The following RPTOR variants were observed in gnomAD, a reference collection of about 807,000 sequenced individuals.
RPTOR encodes regulatory-associated protein of mTOR.
Under a neutral mutation model 169.9 loss-of-function variants are expected in RPTOR, and 21 were observed. That is an observed-to-expected ratio of 0.12 (90% confidence interval 0.09 to 0.18). RPTOR has a LOEUF of 0.18. RPTOR is among the 10% of genes least tolerant of loss of function. RPTOR has a pLI of 1.00. For missense variants in RPTOR, 1,133 were observed against 1,855.9 expected (o/e 0.61, Z 7.16); for synonymous variants, 732 against 753.2 (o/e 0.97, Z 0.46).
rs866103730 is a variant in RPTOR at position 80,860,600 on chromosome 17, G to A, written c.1509+2700G>A. ...AGGGGGCAGTGGGGAGGCTGCTGCCGAAGCGGACGGTGAGGGCTTCCACCT... is the reference window on the plus strand; with the variant it reads ...AGGGGGCAGTGGGGAGGCTGCTGCCAAAGCGGACGGTGAGGGCTTCCACCT... On this transcript the variant is annotated intron_variant, in intron 13 of 33. Transcript: ENST00000306801. This position sits in a 1 kb window ranked among gnomAD's most constrained non-coding sequence, Gnocchi z 5.8. 5.9e-5 allele frequency among the ~76,000 whole-genome samples: 9 copies of A among 152,084 alleles called. No individual in the cohort carries two copies. The highest frequency in any genetic ancestry group is 2.0e-4 in the Admixed American group (3 of 15,288).
chr17:80,662,542 T>TGGG (rs35400483), intron 3 of RPTOR, among the ~76,000 whole-genome samples: 1 of 151,630 alleles, frequency 6.6e-6, no homozygotes, highest in African/African-American at 2.4e-5. Context: ...TGCCTCTGGG[T>TGGG]GGGGCCACAG....
intron 6 of RPTOR, among the ~76,000 whole-genome samples, chr17:80,779,519 G>A (rs1021336161): frequency 2.6e-5 from 4 of 152,318 alleles, no homozygotes; most frequent in East Asian, 3.9e-4. Context: ...ATAAGATTCC[G>A]TCGCGGTCGG....
intron 1 of RPTOR, among the ~76,000 whole-genome samples, chr17:80,606,097 C>T (rs1003852886): frequency 1.3e-5 from 2 of 152,060 alleles, no homozygotes; most frequent in African/African-American, 4.8e-5. Flanking sequence ...CTGCAAGTTC[C>T]GCCTCCCGGG....
chr17:80,759,990 A>G (rs1435699281), intron 6 of RPTOR, among the ~76,000 whole-genome samples: 3 of 152,332 alleles, frequency 2.0e-5, no homozygotes, highest in East Asian at 3.9e-4. Context: ...GCATTATACT[A>G]GAGTTCCCTG....
chr17:80,777,731 G>A (rs1312668310), intron 6 of RPTOR, among the ~76,000 whole-genome samples: 2 of 152,210 alleles, frequency 1.3e-5, no homozygotes, highest in Non-Finnish European at 1.5e-5. Context: ...TATAGCTTTA[G>A]CTGTTACGTC....
At chr17:80,841,521 G>A (rs1467006085) in intron 10 of RPTOR, among the ~76,000 whole-genome samples, 2 of 108,234 alleles carry the variant, frequency 1.8e-5, no homozygotes, top group Non-Finnish European at 3.7e-5. Flanking sequence ...CACACCACAC[G>A]GCAGCTCACT....
chr17:80,626,700 A>G (rs2065397146), intron 2 of RPTOR, among the ~76,000 whole-genome samples: 1 of 149,480 alleles, frequency 6.7e-6, no homozygotes, highest in Admixed American at 6.7e-5. Flanking sequence ...GAACCTATGC[A>G]GTTCAAGTCC....
chr17:80,922,646 G>A (rs776069460), intron 21 of RPTOR, 78 bp from the exon 22 acceptor site: 39 of 1,208,940 alleles, frequency 3.2e-5, no homozygotes, highest in Non-Finnish European at 4.1e-5. Flanking sequence ...GCGGCTCCAC[G>A]CCAGCCTCTG....
chr17:80,936,770 T>C lies in RPTOR; in HGVS notation c.2920-3726T>C, dbSNP rs1194334890. Reference sequence around the variant, plus strand: ...ATGTTGCGGGGAGAAGAAACTCTTTTCCCTCTTGTGCTGAAGTCACATGAA... The same window carrying C: ...ATGTTGCGGGGAGAAGAAACTCTTTCCCCTCTTGTGCTGAAGTCACATGAA... On this transcript the variant is annotated intron_variant, in intron 24 of 33. Coordinates refer to ENST00000306801, the MANE Select transcript of RPTOR (RefSeq NM_020761.3). This position sits in a 1 kb window ranked among gnomAD's most constrained non-coding sequence, Gnocchi z 4.1. 2.6e-5 allele frequency among the ~76,000 whole-genome samples: 4 copies of C among 152,224 alleles called. No individual in the cohort carries two copies. Among genetic ancestry groups the C allele is most frequent in the Admixed American group, 2.6e-4 (4 of 15,276 alleles).
At chr17:80,952,273 A>G (rs927258782) in intron 28 of RPTOR, among the ~76,000 whole-genome samples, 3 of 152,226 alleles carry the variant, frequency 2.0e-5, no homozygotes, top group African/African-American at 7.2e-5. Context: ...ATTTAAGGGA[A>G]TAAACAACTC....
chr17:80,668,702 G>A (rs1332670421), intron 3 of RPTOR, among the ~76,000 whole-genome samples: 1 of 152,182 alleles, frequency 6.6e-6, no homozygotes, highest in Non-Finnish European at 1.5e-5. Context: ...CAGCTACCTG[G>A]CAGTCATTAT....
chr17:80,957,564 C>T lies in RPTOR; in HGVS notation c.3371-60C>T. 3 of 1,531,276 alleles carry T rather than the reference C, an allele frequency of 2.0e-6. No individual in the cohort carries two copies. Among genetic ancestry groups the T allele is most frequent in the South Asian group, 1.1e-5 (1 of 89,504 alleles). The allele number at this position is 1,531,276 out of a possible 1,614,324, so 94.9% of individuals were successfully genotyped here. On this transcript the variant is annotated intron_variant, in intron 28 of 33. Coordinates refer to ENST00000306801, the MANE Select transcript of RPTOR (RefSeq NM_020761.3). This position sits in a 1 kb window ranked among gnomAD's most constrained non-coding sequence, Gnocchi z 4.6. The stretch of plus-strand genomic sequence containing the variant: ...CCAAATTGCTGCCCAGAGCAGGCCC[C>T]AAAGCCTGCCCAAGGCAAGGGCCCA...
intron 3 of RPTOR, among the ~76,000 whole-genome samples, chr17:80,647,655 A>G (rs1433555064): frequency 2.0e-5 from 3 of 152,218 alleles, no homozygotes; most frequent in Non-Finnish European, 4.4e-5. Flanking sequence ...ACTAAGGAAG[A>G]TGAAACAGCA....
intron 6 of RPTOR, among the ~76,000 whole-genome samples, chr17:80,777,448 G>A (rs551828694): frequency 3.9e-5 from 6 of 152,092 alleles, no homozygotes; most frequent in South Asian, 2.1e-4. Flanking sequence ...CATTCCAGCC[G>A]TCCTGCTGTG....
intron 13 of RPTOR, among the ~76,000 whole-genome samples, chr17:80,867,288 A>T (rs1307086706): frequency 6.6e-6 from 1 of 152,180 alleles, no homozygotes; most frequent in African/African-American, 2.4e-5. Flanking sequence ...TATTAAAAAA[A>T]GATGAAAACC....
chr17:80,834,845 C>T (rs2067546428), intron 9 of RPTOR, among the ~76,000 whole-genome samples: 1 of 152,252 alleles, frequency 6.6e-6, no homozygotes, highest in African/African-American at 2.4e-5. Flanking sequence ...GTCTGCTCGG[C>T]CCACGGCCCG....
chr17:80,617,861 G>A (rs914170888), intron 1 of RPTOR, among the ~76,000 whole-genome samples: 3 of 152,132 alleles, frequency 2.0e-5, no homozygotes, highest in Admixed American at 6.5e-5. Flanking sequence ...AGACCCCCAG[G>A]CATAGTCGCA....
At chr17:80,735,380 G>A (rs918672594) in intron 5 of RPTOR, among the ~76,000 whole-genome samples, 55 of 152,140 alleles carry the variant, frequency 3.6e-4, no homozygotes, top group African/African-American at 1.2e-3. Flanking sequence ...TATAGTCATC[G>A]TACACAGTAT....
chr17:80,859,026 C>T (rs1344638185), intron 13 of RPTOR, among the ~76,000 whole-genome samples: 1 of 151,952 alleles, frequency 6.6e-6, no homozygotes, highest in African/African-American at 2.4e-5. Context: ...CAGAGGAGGT[C>T]GGGCTGCAGG....
Sources: gnomAD v4.1 joint callset for allele counts (sites outside exome capture counted in the v4.1 genomes callset) on GRCh38, gnomAD v4.1.1 for gene constraint, Gnocchi (gnomAD v3.1) non-coding constraint, MANE v1.5 for transcripts, NCBI Gene and HGNC (gene_info 2026-07-23, HGNC 2026-07-21) for gene names.